The following TTC21A variants were observed in gnomAD, a reference collection of about 807,000 sequenced individuals.
The protein encoded by TTC21A is tetratricopeptide repeat protein 21A.
In TTC21A, 128 loss-of-function variants were observed where a neutral mutation model predicts 156.4. The observed-to-expected ratio is 0.82, with a 90% CI of 0.71 to 0.95. TTC21A has a LOEUF of 0.95. Ranked by LOEUF, TTC21A falls within the 40% of genes least tolerant of loss-of-function variation. The pLI is 0.00. For missense variants in TTC21A, 1,435 were observed against 1,602.3 expected, an observed-to-expected ratio of 0.90 and a Z score of 1.78; for synonymous variants, 587 against 617.1, an observed-to-expected ratio of 0.95 and a Z score of 0.72.
intron 9 of TTC21A, among the ~76,000 whole-genome samples, chr3:39,121,629 T>C (rs1040467578): frequency 6.6e-5 from 10 of 152,252 alleles, no homozygotes; most frequent in African/African-American, 1.7e-4. Context: ...CTGAGAATTA[T>C]ATATTTCCCT....
intron 1 of TTC21A, chr3:39,108,083 C>T (rs28362641): frequency 0.19 from 115,722 of 597,208 alleles, 12,230 homozygotes; most frequent in African/African-American, 0.31. Context: ...TGAGCTACCC[C>T]AAACCAGCTC....
Position 39,135,081 on chromosome 3 carries a change from G to A in TTC21A, c.2863-12G>A. 1 of 1,613,494 alleles carries A rather than the reference G, an allele frequency of 6.2e-7. No individual in the cohort carries two copies. Among genetic ancestry groups the A allele is most frequent in the Non-Finnish European group, 8.5e-7 (1 of 1,179,648 alleles). On this transcript the variant is annotated splice_polypyrimidine_tract_variant and intron_variant, in intron 21 of 28. Transcript: ENST00000683103. ...TGTTGGGAAATCTGGAGCTTTGTGT[G>A]TTTTCTGATAGTTGATGGCTGACCT...
chr3:39,109,435 G>A (rs1265059235), intron 2 of TTC21A, among the ~76,000 whole-genome samples: 5 of 152,136 alleles, frequency 3.3e-5, no homozygotes, highest in African/African-American at 9.7e-5. Context: ...CTGCACCTCG[G>A]GTTCCCTCTC....
Position 39,137,797 on chromosome 3 carries a change from A to T in TTC21A, c.3675+87A>T, listed in dbSNP as rs1476191896. The T allele has an allele frequency of 2.6e-5, 36 of 1,390,100 alleles. No individual in the cohort carries two copies. The Admixed American group carries it at 7.2e-4, about 28-fold the overall frequency. 86.1% of individuals were successfully genotyped at this position (1,390,100 alleles called of 1,614,324 possible). A position where few individuals can be genotyped will look rare whatever the true frequency, so the allele number is the denominator to read the frequency against. On this transcript the variant is annotated intron_variant, in intron 26 of 28. Coordinates refer to ENST00000683103, the MANE Select transcript of TTC21A (RefSeq NM_001366900.1). The stretch of plus-strand genomic sequence containing the variant: ...AAGGTGAAGCAGGCTTTGCAGGTAG[A>T]GGCCATATGGAATAAGAACTAGTCG...
chr3:39,131,963 G>A (rs913939369), intron 19 of TTC21A, among the ~76,000 whole-genome samples: 2 of 152,100 alleles, frequency 1.3e-5, no homozygotes, highest in Admixed American at 1.3e-4. Context: ...CCATAGCAAC[G>A]TCATATGTTG....
At chr3:39,115,396 C>T (rs542654203) in intron 6 of TTC21A, among the ~76,000 whole-genome samples, 7 of 152,254 alleles carry the variant, frequency 4.6e-5, no homozygotes, top group African/African-American at 1.7e-4. Context: ...CACAGTGGCT[C>T]ATGCCTGTAA....
intron 24 of TTC21A, 22 bp downstream of exon 24, chr3:39,137,082 G>A: frequency 6.2e-7 from 1 of 1,610,450 alleles, no homozygotes; most frequent in Non-Finnish European, 8.5e-7. Flanking sequence ...TGGAGGCAGG[G>A]GCGGAACCCT....
rs1491529137 is a variant in TTC21A, at chr3:39,126,520, A to ACACACTCT, written c.1522+131_1522+132insACACTCTC. On this transcript the variant is annotated intron_variant, in intron 12 of 28. Coordinates refer to ENST00000683103, the MANE Select transcript of TTC21A (RefSeq NM_001366900.1). ...CACACACACACACACACACACACAC[A>ACACACTCT]CTCTCCTTGCCTGGGGTACTACGCA... 8.5e-6 allele frequency: 7 copies of ACACACTCT among 821,738 alleles called. No homozygotes were observed. The African/African-American group carries it at 1.4e-4, about 16-fold the overall frequency. 50.9% of individuals were successfully genotyped at this position (821,738 alleles called of 1,614,324 possible). A position where few individuals can be genotyped will look rare whatever the true frequency, so the allele number is the denominator to read the frequency against.
chr3:39,126,601 CAT>C (rs1378635859), intron 12 of TTC21A, among the ~76,000 whole-genome samples: 6 of 145,822 alleles, frequency 4.1e-5, no homozygotes, highest in African/African-American at 1.0e-4. Context: ...CACACACACA[CAT>C]GCATGCTCCT....
chr3:39,112,829 G>C (rs886492403), intron 5 of TTC21A, among the ~76,000 whole-genome samples: 5 of 152,076 alleles, frequency 3.3e-5, no homozygotes, highest in Non-Finnish European at 7.4e-5. Context: ...TCTTCTCAGG[G>C]TCACTTTCTT....
chr3:39,134,904 T>TGA lies in TTC21A; in HGVS notation c.2863-188_2863-187insAG. 1.6e-6 allele frequency: 1 copy of TGA among 609,476 alleles called. No homozygotes were observed. The highest frequency in any genetic ancestry group is 2.8e-5 in the Admixed American group (1 of 35,200). 37.8% of individuals were successfully genotyped at this position (609,476 alleles called of 1,614,324 possible). On this transcript the variant is annotated intron_variant, in intron 21 of 28. Transcript: ENST00000683103. This position sits in a 1 kb window ranked among gnomAD's most constrained non-coding sequence, Gnocchi z 4.6. ...CTCACCTTGGGAAGTCCTCACCTTCTGGGTGGGGGCCTGAGAAACCCTCAG... is the reference window on the plus strand; with the variant it reads ...CTCACCTTGGGAAGTCCTCACCTTCTGAGGGTGGGGGCCTGAGAAACCCTCAG...
chr3:39,110,143 A>G lies in TTC21A; in HGVS notation c.268+4A>G. The G allele has an allele frequency of 6.2e-7, 1 of 1,608,198 alleles. No homozygotes were observed. The highest frequency in any genetic ancestry group is 8.5e-7 in the Non-Finnish European group (1 of 1,174,834). ...CACAAAAGATGTGAAATCATTGGTGAGTGCCACCATGCTCAACCAGGCCTG... is the reference window on the plus strand; with the variant it reads ...CACAAAAGATGTGAAATCATTGGTGGGTGCCACCATGCTCAACCAGGCCTG... On this transcript the variant is annotated splice_donor_region_variant and intron_variant, in intron 3 of 28. Transcript: ENST00000683103.
In TTC21A at chr3:39,128,452, C is replaced by T. The variant is rs2038444531; in HGVS notation, c.1644C>T (p.Phe548=). The T allele has an allele frequency of 8.1e-6, 13 of 1,614,082 alleles. No individual in the cohort carries two copies. Among genetic ancestry groups the T allele is most frequent in the Non-Finnish European group, 1.1e-5 (13 of 1,180,046 alleles). Residue 548 remains phenylalanine (F), a synonymous_variant, in exon 13 of 29, where the codon TTC becomes TTT. Transcript: ENST00000683103. ...YLAQGNFGMC[F]HCLELGVSHN... is the part of the protein sequence containing the mutation. ...CTCAGGGCAACTTTGGCATGTGCTT[C>T]CACTGCTTAGAGCTGGGTGTCAGCC... is the stretch of plus-strand genomic sequence containing the variant.
chr3:39,120,116 C>T (rs1559683641), intron 8 of TTC21A, 96 bp downstream of exon 8: 1 of 857,840 alleles, frequency 1.2e-6, no homozygotes, highest in East Asian at 2.5e-5. Flanking sequence ...AGTGCCTTAC[C>T]CCTCCCTTCT....
chr3:39,126,246 G>A lies in TTC21A; in HGVS notation c.1393-15G>A, dbSNP rs545857363. 9 of 1,613,768 alleles carry A rather than the reference G, an allele frequency of 5.6e-6. No individual in the cohort carries two copies. The highest frequency in any genetic ancestry group is 1.7e-5 in the Admixed American group (1 of 59,976). ...GGGCAAACCTACTCCCACCTCCACC[G>A]CCGTGTTCCCACAGCCCAGGTTACC... On this transcript the variant is annotated splice_polypyrimidine_tract_variant and intron_variant, in intron 11 of 28. Coordinates refer to ENST00000683103, the MANE Select transcript of TTC21A (RefSeq NM_001366900.1).
intron 23 of TTC21A, 196 bp downstream of exon 23, chr3:39,136,703 C>T: frequency 2.1e-6 from 2 of 965,858 alleles, no homozygotes; most frequent in East Asian, 5.2e-5. Context: ...GGATGGAGGC[C>T]AGGTGAGGGC....
At position 39,138,643 on chromosome 3, in the gene TTC21A, G is replaced by A. The variant is rs879211704; in HGVS notation, c.3864+20G>A. 6.2e-7 allele frequency: 1 copy of A among 1,613,944 alleles called. No homozygotes were observed. Among genetic ancestry groups the A allele is most frequent in the South Asian group, 1.1e-5 (1 of 91,038 alleles). On this transcript the variant is annotated intron_variant, in intron 28 of 28. Coordinates refer to ENST00000683103, the MANE Select transcript of TTC21A (RefSeq NM_001366900.1). ...AACGATGTAAGCCAGCAGCCTTGGT[G>A]GGGAGGGCCTGGTGTAGTGGTGGGG...
At chr3:39,138,673 C>A (rs200116530) in intron 28 of TTC21A, 38 bp from the exon 29 acceptor site, 2 of 1,613,624 alleles carry the variant, frequency 1.2e-6, no homozygotes, top group African/African-American at 2.7e-5. Context: ...GTGGGGAAAC[C>A]TGCATGATAC....
chr3:39,138,826 C>A lies in TTC21A; in HGVS notation c.*38C>A. Reference sequence around the variant, plus strand: ...GGCCTGGACCAGTAGAAGCCATCAACCTACTGAAGTTGTGTGGAGGGATGG... The same window carrying A: ...GGCCTGGACCAGTAGAAGCCATCAAACTACTGAAGTTGTGTGGAGGGATGG... On this transcript the variant is annotated 3_prime_UTR_variant, in exon 29 of 29. Transcript: ENST00000683103. The A allele has an allele frequency of 1.3e-6, 2 of 1,570,580 alleles. No homozygotes were observed. The highest frequency in any genetic ancestry group is 2.2e-5 in the South Asian group (2 of 89,332).
Sources: allele counts gnomAD v4.1 joint callset (sites outside exome capture counted in the v4.1 genomes callset), GRCh38; gene constraint gnomAD v4.1.1; non-coding constraint Gnocchi (gnomAD v3.1); transcripts MANE v1.5; gene names NCBI Gene and HGNC (gene_info 2026-07-23, HGNC 2026-07-21).